The following RYR2 variants were observed in gnomAD, a reference collection of about 807,000 sequenced individuals.
RYR2 encodes the protein cardiac muscle ryanodine receptor-calcium release channel.
RYR2 carries 227 observed loss-of-function variants against 601.1 expected under a neutral mutation model. The ratio of observed to expected loss-of-function variants is 0.38; its 90% CI spans 0.34 to 0.42. RYR2 has a LOEUF of 0.42. Ranked by LOEUF, RYR2 falls within the 10% of genes least tolerant of loss-of-function variation. RYR2 has a pLI of 1.00. For synonymous variants in RYR2, 2,223 were observed against 2,175.1 expected, an observed-to-expected ratio of 1.02 and a Z score of -0.61; for missense variants, 4,646 against 6,156.5, an observed-to-expected ratio of 0.75 and a Z score of 8.21.
chr1:237,611,540 G>A (rs895969467), intron 36 of RYR2, among the ~76,000 whole-genome samples: 1 of 152,134 alleles, frequency 6.6e-6, no homozygotes, highest in Non-Finnish European at 1.5e-5. Context: ...AGGTATTTGA[G>A]TAGCTTTGTT....
rs377116175 is a variant in RYR2, at chr1:237,589,018, AT to A, written c.3599-772del. Reference sequence around the variant, plus strand: ...CCCCTTTTTGTTCAAAAGAGGAAAGATTTGCTAACTCTGACACACATGGGAA... The same window carrying A: ...CCCCTTTTTGTTCAAAAGAGGAAAGATTGCTAACTCTGACACACATGGGAA... On this transcript the variant is annotated intron_variant, in intron 29 of 104. Coordinates refer to ENST00000366574, the MANE Select transcript of RYR2 (RefSeq NM_001035.3). 1.8e-4 allele frequency among the ~76,000 whole-genome samples: 27 copies of A among 152,276 alleles called. No homozygotes were observed. The East Asian group carries it at 4.6e-3, about 26-fold the overall frequency.
chr1:237,639,329 TA>T, intron 46 of RYR2, 128 bp downstream of exon 46: 1 of 922,130 alleles, frequency 1.1e-6, no homozygotes, highest in South Asian at 2.5e-5. Flanking sequence ...TTTGAAAATA[TA>T]ATGTCTTAGA....
In RYR2 at chr1:237,533,316, G is replaced by A. The variant is rs190549382; in HGVS notation, c.2906+2806G>A. ...CAGATCAGCGCGAGCCTAAAATGTTGGGGTTTTTTAACAACCATTTTGCAA... is the reference window on the plus strand; with the variant it reads ...CAGATCAGCGCGAGCCTAAAATGTTAGGGTTTTTTAACAACCATTTTGCAA... On this transcript the variant is annotated intron_variant, in intron 25 of 104. Transcript: ENST00000366574. 1.7e-4 allele frequency among the ~76,000 whole-genome samples: 26 copies of A among 152,082 alleles called. No individual in the cohort carries two copies. The East Asian group carries it at 4.8e-3, about 28-fold the overall frequency.
intron 100 of RYR2, among the ~76,000 whole-genome samples, chr1:237,816,573 C>T (rs1195643226): frequency 6.6e-6 from 1 of 152,006 alleles, no homozygotes; most frequent in African/African-American, 2.4e-5. Flanking sequence ...CCTGTAATCT[C>T]AGCTACTTGG....
rs190730379 is a variant in RYR2, at chr1:237,668,065, C to T, written c.8590+107C>T. On this transcript the variant is annotated intron_variant, in intron 58 of 104. Transcript: ENST00000366574. ...ACAGCTTATTATAACTTTTTAAAAT[C>T]AGAACGGTTTAATTGTGCCTGTAAC... is the stretch of plus-strand genomic sequence containing the variant. The T allele has an allele frequency of 3.2e-3, 2,683 of 840,530 alleles. 13 individuals carry two copies. The highest frequency in any genetic ancestry group is 6.6e-3 in the Admixed American group (233 of 35,420). 52.1% of individuals were successfully genotyped at this position (840,530 alleles called of 1,614,324 possible). A position where few individuals can be genotyped will look rare whatever the true frequency, so the allele number is the denominator to read the frequency against.
At chr1:237,575,432 T>A (rs114937068) in intron 29 of RYR2, among the ~76,000 whole-genome samples, 1,748 of 152,242 alleles carry the variant, frequency 0.011, 27 homozygotes, top group African/African-American at 0.039. Context: ...ATATGGAGCA[T>A]CCCTTTATGT....
rs764775229 is a variant in RYR2 at position 237,810,731 on chromosome 1, C to T, written c.14433+1696C>T. On this transcript the variant is annotated intron_variant, in intron 100 of 104. Coordinates refer to ENST00000366574, the MANE Select transcript of RYR2 (RefSeq NM_001035.3). ...AGTAGTGTCCTGATTAAGTCAGTTA[C>T]GATAAATCCATAACAAGTATGCATC... Among the ~76,000 whole-genome samples, 27 of 151,862 alleles carry T rather than the reference C, an allele frequency of 1.8e-4. 1 individual carries two copies. The highest frequency in any genetic ancestry group is 2.5e-4 in the Non-Finnish European group (17 of 67,976).
At chr1:237,696,328 C>T (rs1391544029) in intron 63 of RYR2, among the ~76,000 whole-genome samples, 1 of 151,630 alleles carries the variant, frequency 6.6e-6, no homozygotes, top group East Asian at 1.9e-4. Flanking sequence ...CACTGGATCT[C>T]TTCCTCCTCA....
In RYR2 at chr1:237,663,448, G is replaced by A. The variant is rs116236913; in HGVS notation, c.8436+2501G>A. Among the ~76,000 whole-genome samples, 453 of 152,170 alleles carry A rather than the reference G, an allele frequency of 3.0e-3. 3 individuals carry two copies. Among genetic ancestry groups the A allele is most frequent in the African/African-American group, 0.01 (424 of 41,540 alleles). ...GAATTCCTCAGCTTTTTTTCACTGG[G>A]GCTTAGCACTCCCTCAGGGACACAC... On this transcript the variant is annotated intron_variant, in intron 56 of 104. Coordinates refer to ENST00000366574, the MANE Select transcript of RYR2 (RefSeq NM_001035.3).
chr1:237,587,626 G>A (rs867072579), intron 29 of RYR2, among the ~76,000 whole-genome samples: 58 of 151,912 alleles, frequency 3.8e-4, no homozygotes, highest in African/African-American at 1.1e-3. Flanking sequence ...AATAATGTTC[G>A]TCTCACGAAA....
In RYR2 at chr1:237,423,130, G is replaced by T; in HGVS notation, c.887G>T (p.Arg296Leu). 1 of 1,613,788 alleles carries T rather than the reference G, an allele frequency of 6.2e-7. No homozygotes were observed. Among genetic ancestry groups the T allele is most frequent in the Non-Finnish European group, 8.5e-7 (1 of 1,179,806 alleles). The change falls in exon 12 of 105, where the codon CGA becomes CTA. Residue 296 changes from arginine to leucine, a missense_variant. Transcript: ENST00000366574. ...CACATAAGATGGGGACAGCCATTCC[G>T]ACTACGCCATGTCACAACAGGAAAA... Reference protein sequence around the residue: ...GSHIRWGQPFRLRHVTTGKYL... With the variant: ...GSHIRWGQPFLLRHVTTGKYL...
chr1:237,754,832 G>T (rs945704455), intron 80 of RYR2, among the ~76,000 whole-genome samples: 2 of 152,192 alleles, frequency 1.3e-5, no homozygotes, highest in Non-Finnish European at 2.9e-5. Context: ...TTGTGTGTCT[G>T]TGTGGTTCTG....
At chr1:237,240,970 T>A (rs1429582030) in intron 1 of RYR2, among the ~76,000 whole-genome samples, 1 of 152,210 alleles carries the variant, frequency 6.6e-6, no homozygotes, top group Non-Finnish European at 1.5e-5. Context: ...ACAGGTAACA[T>A]TTTAGATCAA....
chr1:237,667,732 C>T, intron 57 of RYR2, 151 bp from the exon 58 acceptor site: 1 of 531,644 alleles, frequency 1.9e-6, no homozygotes, highest in South Asian at 2.8e-5. Flanking sequence ...CTGGGATTCA[C>T]ATTCTAAAGA....
intron 80 of RYR2, among the ~76,000 whole-genome samples, chr1:237,755,981 C>T (rs955771911): frequency 2.0e-5 from 3 of 151,764 alleles, no homozygotes; most frequent in African/African-American, 7.3e-5. Flanking sequence ...GTGCAAGTTT[C>T]ATTGATGAAG....
intron 1 of RYR2, among the ~76,000 whole-genome samples, chr1:237,142,183 G>A (rs1320124500): frequency 1.3e-5 from 2 of 152,224 alleles, no homozygotes; most frequent in East Asian, 1.9e-4. Context: ...AGCAGCCTGA[G>A]GGAAGGCATA....
intron 25 of RYR2, among the ~76,000 whole-genome samples, chr1:237,538,697 A>G (rs897544460): frequency 6.6e-6 from 1 of 150,772 alleles, no homozygotes; most frequent in African/African-American, 2.4e-5. Context: ...CTTGAACCTG[A>G]GAGGCGGAGG....
rs116118735 is a variant in RYR2, at chr1:237,232,877, G to A, written c.49-37620G>A. The stretch of plus-strand genomic sequence containing the variant: ...GAAGTCTTCTGTGTTAATGATTTGT[G>A]TGGTATCAGAGCAGAGGGAAAATCA... On this transcript the variant is annotated intron_variant, in intron 1 of 104. Coordinates refer to ENST00000366574, the MANE Select transcript of RYR2 (RefSeq NM_001035.3). Among the ~76,000 whole-genome samples, 930 of 152,302 alleles carry A rather than the reference G, an allele frequency of 6.1e-3. 9 individuals are homozygous for A. The highest frequency in any genetic ancestry group is 0.021 in the African/African-American group (891 of 41,564).
chr1:237,062,735 T>C (rs1404481126), intron 1 of RYR2, among the ~76,000 whole-genome samples: 2 of 152,196 alleles, frequency 1.3e-5, no homozygotes, highest in Non-Finnish European at 2.9e-5. Context: ...AGGATCTTTG[T>C]AAATGCTGAC....
Sources: gnomAD v4.1 joint callset for allele counts (sites outside exome capture counted in the v4.1 genomes callset) on GRCh38, gnomAD v4.1.1 for gene constraint, MANE v1.5 for transcripts, NCBI Gene and HGNC (gene_info 2026-07-23, HGNC 2026-07-21) for gene names.